Variants in SCARB1 observed in about 807,000 individuals in gnomAD.
The protein encoded by SCARB1 is scavenger receptor class B member 1, also known as CD36 and LIMPII analogous 1.
In SCARB1, 30 loss-of-function variants were observed where a neutral mutation model predicts 57.2. The observed-to-expected ratio is 0.52, with a 90% CI of 0.39 to 0.71. The LOEUF is 0.71. Ranked by LOEUF, SCARB1 falls within the 30% of genes least tolerant of loss-of-function variation. The pLI is 0.00. For synonymous variants in SCARB1, 249 were observed against 268.3 expected, an observed-to-expected ratio of 0.93 and a Z score of 0.70; for missense variants, 543 against 671.2, an observed-to-expected ratio of 0.81 and a Z score of 2.11.
chr12:124,840,749 A>G (rs1951873770), intron 1 of SCARB1, among the ~76,000 whole-genome samples: 1 of 151,938 alleles, frequency 6.6e-6, no homozygotes, highest in African/African-American at 2.4e-5. Context: ...AAAAACTCGA[A>G]TATGTTCCCT....
chr12:124,810,291 TG>T lies in SCARB1; in HGVS notation c.727-3del, dbSNP rs1950474944. 2 of 1,610,120 alleles carry T rather than the reference TG, an allele frequency of 1.2e-6. No individual in the cohort carries two copies. The highest frequency in any genetic ancestry group is 1.7e-6 in the Non-Finnish European group (2 of 1,176,384). Reference sequence around the variant, plus strand: ...CTGATCGGAATGCCAGAAGTCAACCTGGGGGGAAGCATCCAGACTAGACCCC... The same window carrying T: ...CTGATCGGAATGCCAGAAGTCAACCTGGGGGAAGCATCCAGACTAGACCCC... On this transcript the variant is annotated splice_polypyrimidine_tract_variant and splice_region_variant and intron_variant, in intron 5 of 12. Coordinates refer to ENST00000261693, the MANE Select transcript of SCARB1 (RefSeq NM_005505.5). This position sits in a 1 kb window ranked among gnomAD's most constrained non-coding sequence, Gnocchi z 4.0.
rs1254475364 is a variant in SCARB1 at position 124,837,578 on chromosome 12, G to GAA, written c.127-19873_127-19872dup. Among the ~76,000 whole-genome samples, 6 of 40,562 alleles carry GAA rather than the reference G, an allele frequency of 1.5e-4. 1 individual carries two copies. The highest frequency in any genetic ancestry group is 5.2e-4 in the African/African-American group (6 of 11,482). The allele number at this position is 40,562 out of a possible 152,430, so 26.6% of individuals were successfully genotyped here. ...GAAAAGAAAAGAAAAGAAAAGAAAA[G>GAA]AAAAGAAAAGAAAAGAAAAGTCAGC... On this transcript the variant is annotated intron_variant, in intron 1 of 12. Coordinates refer to ENST00000261693, the MANE Select transcript of SCARB1 (RefSeq NM_005505.5).
At chr12:124,793,474 A>G (rs1949804138) in intron 9 of SCARB1, among the ~76,000 whole-genome samples, 1 of 151,996 alleles carries the variant, frequency 6.6e-6, no homozygotes, top group Admixed American at 6.5e-5. Flanking sequence ...CGGGCGGATC[A>G]CGAGGTCAGG....
chr12:124,821,657 C>A (rs567974441), intron 1 of SCARB1: 1 of 487,650 alleles, frequency 2.1e-6, no homozygotes, highest in East Asian at 1.5e-4. Flanking sequence ...ATACAATGGG[C>A]GTAAGGAGAG....
intron 1 of SCARB1, among the ~76,000 whole-genome samples, chr12:124,818,014 G>T (rs1950809851): frequency 6.6e-6 from 1 of 152,228 alleles, no homozygotes; most frequent in Non-Finnish European, 1.5e-5. Context: ...GAGCGCCGGA[G>T]CTCAGGGTAG....
In SCARB1 at chr12:124,779,646, T is replaced by G. The variant is rs7969287; in HGVS notation, c.*1-1060A>C. 3.3e-3 allele frequency among the ~76,000 whole-genome samples: 495 copies of G among 152,240 alleles called. 4 individuals carry two copies. Among genetic ancestry groups the G allele is most frequent in the African/African-American group, 0.012 (479 of 41,536 alleles). On this transcript the variant is annotated intron_variant, in intron 12 of 12. Coordinates refer to ENST00000261693, the MANE Select transcript of SCARB1 (RefSeq NM_005505.5). ...GTAGAAAATTTCTCAACTTAAAAAT[T>G]AAAAATACAGATAATGCTAATGATA...
In SCARB1 at chr12:124,863,650, A is replaced by G; in HGVS notation, c.71T>C (p.Leu24Pro). ...LGVAGLLCAVLGAVMIVMVPS... is the reference protein window; with the variant it reads ...LGVAGLLCAVPGAVMIVMVPS... ...CACCATCACGATCATGACAGCGCCCAGCACAGCGCACAGTAGCCCCGCGAC... is the reference window on the plus strand; with the variant it reads ...CACCATCACGATCATGACAGCGCCCGGCACAGCGCACAGTAGCCCCGCGAC... Residue 24 changes from leucine to proline, a missense_variant, in exon 1 of 13, where the codon CTG becomes CCG. Transcript: ENST00000261693. The G allele has an allele frequency of 6.3e-7, 1 of 1,592,092 alleles. No individual in the cohort carries two copies. Among genetic ancestry groups the G allele is most frequent in the Non-Finnish European group, 8.5e-7 (1 of 1,170,020 alleles).
chr12:124,802,788 T>C (rs1208462730), intron 7 of SCARB1, among the ~76,000 whole-genome samples: 2 of 152,204 alleles, frequency 1.3e-5, no homozygotes, highest in East Asian at 3.8e-4. Flanking sequence ...GCAAGTCGGA[T>C]GCCCTCACGC....
Position 124,863,703 on chromosome 12 carries a change from T to C in SCARB1, c.18A>G (p.Lys6=). The C allele has an allele frequency of 6.5e-7, 1 of 1,535,084 alleles. No individual in the cohort carries two copies. Among genetic ancestry groups the C allele is most frequent in the Non-Finnish European group, 8.8e-7 (1 of 1,140,670 alleles). MGCSA[K]ARWAAGALGV... Reference sequence around the variant, plus strand: ...CCAGCGCCCCGGCAGCCCAGCGCGCTTTGGCGGAGCAGCCCATGTCTGCGC... The same window carrying C: ...CCAGCGCCCCGGCAGCCCAGCGCGCCTTGGCGGAGCAGCCCATGTCTGCGC... Residue 6 remains lysine, a synonymous_variant, in exon 1 of 13, where the codon AAA becomes AAG. Transcript: ENST00000261693.
chr12:124,805,325 A>G lies in SCARB1; in HGVS notation c.1009+2436T>C, dbSNP rs531468577. On this transcript the variant is annotated intron_variant, in intron 7 of 12. Transcript: ENST00000261693. ...TCCAAGCAGGGGAAGCAACCCATGC[A>G]AACCACAGTGCAAGGCACTGACCTT... is the stretch of plus-strand genomic sequence containing the variant. 2.0e-5 allele frequency among the ~76,000 whole-genome samples: 3 copies of G among 152,380 alleles called. No individual in the cohort carries two copies. In the South Asian group the frequency reaches 6.2e-4, roughly 32 times the overall value.
In SCARB1 at chr12:124,814,199, T is replaced by C; in HGVS notation, c.630+3A>G. Reference sequence around the variant, plus strand: ...CTTTGGCTTCTCACCAGGCCACACGTACCTCAGCAAATAATCCGAACTTGT... The same window carrying C: ...CTTTGGCTTCTCACCAGGCCACACGCACCTCAGCAAATAATCCGAACTTGT... On this transcript the variant is annotated splice_donor_region_variant and intron_variant, in intron 4 of 12. Transcript: ENST00000261693. The surrounding 1 kb of genome is among the most constrained non-coding windows in gnomAD (Gnocchi z 4.7). The C allele has an allele frequency of 6.2e-7, 1 of 1,614,016 alleles. No homozygotes were observed. Among genetic ancestry groups the C allele is most frequent in the Non-Finnish European group, 8.5e-7 (1 of 1,179,890 alleles).
intron 1 of SCARB1, among the ~76,000 whole-genome samples, chr12:124,843,052 A>G (rs562211505): frequency 6.6e-6 from 1 of 152,224 alleles, no homozygotes; most frequent in Non-Finnish European, 1.5e-5. Flanking sequence ...TCTGGAGCAA[A>G]GACCAGCTGG....
At chr12:124,819,744 G>T (rs1358426260) in intron 1 of SCARB1, among the ~76,000 whole-genome samples, 1 of 152,218 alleles carries the variant, frequency 6.6e-6, no homozygotes, top group Non-Finnish European at 1.5e-5. Flanking sequence ...ACAGGCAGAG[G>T]CTCTACAGGA....
At position 124,798,851 on chromosome 12, in the gene SCARB1, A is replaced by T. The variant is rs533859762; in HGVS notation, c.1128+1273T>A. ...CAGAGTGAAACTCCATCTCAGAAAA[A>T]AAAAAGAAAAAAAGTTGAATTCATG... On this transcript the variant is annotated intron_variant, in intron 8 of 12. Coordinates refer to ENST00000261693, the MANE Select transcript of SCARB1 (RefSeq NM_005505.5). 5.9e-5 allele frequency among the ~76,000 whole-genome samples: 9 copies of T among 151,790 alleles called. No homozygotes were observed. The East Asian group carries it at 1.7e-3, about 29-fold the overall frequency.
chr12:124,799,878 A>T (rs1032064492), intron 8 of SCARB1, among the ~76,000 whole-genome samples: 2 of 152,240 alleles, frequency 1.3e-5, no homozygotes, highest in Non-Finnish European at 2.9e-5. Flanking sequence ...CCCAGCTGAT[A>T]AGTTCTAATT....
At chr12:124,832,274 C>T (rs1951427605) in intron 1 of SCARB1, among the ~76,000 whole-genome samples, 1 of 152,178 alleles carries the variant, frequency 6.6e-6, no homozygotes, top group East Asian at 1.9e-4. Flanking sequence ...AATCCTAGCA[C>T]TTTGGGAGGC....
intron 12 of SCARB1, among the ~76,000 whole-genome samples, chr12:124,778,944 A>G (rs1872834802): frequency 6.6e-6 from 1 of 152,092 alleles, no homozygotes; most frequent in Non-Finnish European, 1.5e-5. Flanking sequence ...ACGTATGTTT[A>G]TGTGTTGATT....
intron 11 of SCARB1, chr12:124,785,016 G>C (rs1325947451): frequency 6.6e-6 from 1 of 152,328 alleles, no homozygotes; most frequent in East Asian, 1.9e-4. Context: ...CCGAAGCAAG[G>C]AGGGACACTG....
At chr12:124,791,953 T>TA (rs534773283) in intron 9 of SCARB1, among the ~76,000 whole-genome samples, 1,533 of 139,130 alleles carry the variant, frequency 0.011, 29 homozygotes, top group African/African-American at 0.035. Flanking sequence ...AGATCCATCT[T>TA]AAAAAAAAAA....
Sources: allele counts gnomAD v4.1 joint callset (sites outside exome capture counted in the v4.1 genomes callset), GRCh38; gene constraint gnomAD v4.1.1; non-coding constraint Gnocchi (gnomAD v3.1); transcripts MANE v1.5; gene names NCBI Gene and HGNC (gene_info 2026-07-23, HGNC 2026-07-21).